ADAMTSL1: variants seen among roughly 807,000 people sequenced by gnomAD.
The protein encoded by ADAMTSL1 is ADAMTS like 1, also known as ADAMTS-like protein 1.
A neutral mutation model predicts 201.8 loss-of-function variants in ADAMTSL1; 126 were observed. That is an observed-to-expected ratio of 0.62 (90% CI 0.54 to 0.72). ADAMTSL1 has a LOEUF of 0.72. Among genes scored for constraint, ADAMTSL1 ranks in the 30% least tolerant of loss-of-function variants. ADAMTSL1 has a pLI of 0.00. For missense variants in ADAMTSL1, 2,679 were observed against 2,277.8 expected (o/e 1.18, Z -3.59); for synonymous variants, 1,121 against 903.4 (o/e 1.24, Z -4.32).
intron 2 of ADAMTSL1, among the ~76,000 whole-genome samples, chr9:18,266,888 C>A (rs1248425005): frequency 6.6e-6 from 1 of 152,096 alleles, no homozygotes. Flanking sequence ...ATTCCAGGTC[C>A]AGGCTTCTTG....
At chr9:18,234,883 T>C (rs1221746305) in intron 2 of ADAMTSL1, among the ~76,000 whole-genome samples, 1 of 152,204 alleles carries the variant, frequency 6.6e-6, no homozygotes, top group Non-Finnish European at 1.5e-5. Context: ...GAGCCAATTT[T>C]AAAATAAACA....
chr9:17,925,791 C>T (rs1484324893), intron 1 of ADAMTSL1, among the ~76,000 whole-genome samples: 5 of 149,218 alleles, frequency 3.4e-5, no homozygotes, highest in Admixed American at 2.0e-4. Flanking sequence ...ACCAGCATGG[C>T]GCATGTATAC....
chr9:18,771,928 A>G (rs1021194461), intron 17 of ADAMTSL1, among the ~76,000 whole-genome samples: 21 of 152,194 alleles, frequency 1.4e-4, no homozygotes, highest in African/African-American at 4.8e-4. Flanking sequence ...CATTGCAATT[A>G]AGAGTTAACT....
Position 18,897,431 on chromosome 9 carries a change from A to AG in ADAMTSL1, c.4851+4839dup, listed in dbSNP as rs146196730. On this transcript the variant is annotated intron_variant, in intron 26 of 28. Coordinates refer to ENST00000380548, the MANE Select transcript of ADAMTSL1 (RefSeq NM_001040272.6). ...TCCTGACTGGGTGAGACCTCCCAACAGGGGTCTCCAGACACCTCCTACAGG... is the reference window on the plus strand; with the variant it reads ...TCCTGACTGGGTGAGACCTCCCAACAGGGGGTCTCCAGACACCTCCTACAGG... Among the ~76,000 whole-genome samples the AG allele has an allele frequency of 7.2e-3, 1,091 of 152,268 alleles. 15 individuals carry two copies. Among genetic ancestry groups the AG allele is most frequent in the African/African-American group, 0.025 (1,043 of 41,552 alleles).
intron 2 of ADAMTSL1, among the ~76,000 whole-genome samples, chr9:18,219,616 A>G (rs1563815809): frequency 6.6e-6 from 1 of 151,962 alleles, no homozygotes. Flanking sequence ...TGGTCTGCCC[A>G]CCTTGGCCTG....
intron 3 of ADAMTSL1, among the ~76,000 whole-genome samples, chr9:18,558,937 A>G (rs202068063): frequency 1.3e-4 from 20 of 151,868 alleles, no homozygotes; most frequent in Non-Finnish European, 2.8e-4. Flanking sequence ...ATTGCAAAAA[A>G]TTTCTCCCAT....
At chr9:18,095,416 CTTTTTTTTTTT>C (rs35164794) in intron 1 of ADAMTSL1, among the ~76,000 whole-genome samples, 19 of 100,118 alleles carry the variant, frequency 1.9e-4, no homozygotes, top group East Asian at 9.1e-4. Context: ...TTCTTTCTTT[CTTTTTTTTTTT>C]TTTTTTTTTT....
chr9:18,329,971 T>C (rs1269397021), intron 2 of ADAMTSL1, among the ~76,000 whole-genome samples: 2 of 152,198 alleles, frequency 1.3e-5, no homozygotes, highest in East Asian at 1.9e-4. Context: ...ATATGTCATA[T>C]GTAATTCTTA....
intron 2 of ADAMTSL1, among the ~76,000 whole-genome samples, chr9:18,453,528 T>C (rs1820493043): frequency 6.6e-6 from 1 of 152,234 alleles, no homozygotes; most frequent in Non-Finnish European, 1.5e-5. Context: ...TTTCAAAATC[T>C]TTTTAGTTTT....
chr9:18,114,318 A>C (rs976955443), intron 1 of ADAMTSL1, among the ~76,000 whole-genome samples: 5 of 152,212 alleles, frequency 3.3e-5, no homozygotes, highest in African/African-American at 9.6e-5. Flanking sequence ...CAAACCAAAC[A>C]GCTTAATCAA....
intron 5 of ADAMTSL1, among the ~76,000 whole-genome samples, chr9:18,628,286 C>G (rs931379325): frequency 6.6e-6 from 1 of 152,108 alleles, no homozygotes; most frequent in Non-Finnish European, 1.5e-5. Flanking sequence ...TGATAGGTAG[C>G]TTGAATTTTT....
chr9:18,373,514 C>G (rs1319457709), intron 2 of ADAMTSL1, among the ~76,000 whole-genome samples: 1 of 152,004 alleles, frequency 6.6e-6, no homozygotes, highest in African/African-American at 2.4e-5. Flanking sequence ...TGGCTCTGCC[C>G]TCGGAAGTTA....
At chr9:18,325,463 T>C (rs1834793510) in intron 2 of ADAMTSL1, among the ~76,000 whole-genome samples, 1 of 152,214 alleles carries the variant, frequency 6.6e-6, no homozygotes. Context: ...TCAAACGTTA[T>C]GTTGAGTGAA....
intron 1 of ADAMTSL1, among the ~76,000 whole-genome samples, chr9:18,052,010 G>T (rs561507467): frequency 2.9e-4 from 44 of 152,296 alleles, no homozygotes; most frequent in Admixed American, 2.5e-3. Context: ...TTGACACTTT[G>T]TTACAAACAT....
rs147493698 is a variant in ADAMTSL1, at chr9:18,557,603, A to C, written c.238-16427A>C. 3.7e-3 allele frequency among the ~76,000 whole-genome samples: 556 copies of C among 152,168 alleles called. 1 individual carries two copies. Among genetic ancestry groups the C allele is most frequent in the African/African-American group, 0.013 (536 of 41,542 alleles). On this transcript the variant is annotated intron_variant, in intron 3 of 28. Coordinates refer to ENST00000380548, the MANE Select transcript of ADAMTSL1 (RefSeq NM_001040272.6). ...ATGTTGTCAGGATTCACTGACAACCAAAAAGAAGTTAAGCCTGCAGACAAT... is the reference window on the plus strand; with the variant it reads ...ATGTTGTCAGGATTCACTGACAACCCAAAAGAAGTTAAGCCTGCAGACAAT...
intron 6 of ADAMTSL1, among the ~76,000 whole-genome samples, chr9:18,636,717 A>G (rs1478700549): frequency 1.3e-5 from 2 of 152,168 alleles, no homozygotes; most frequent in Non-Finnish European, 2.9e-5. Flanking sequence ...TTAGATACAG[A>G]CCTGTAAATT....
chr9:17,907,772 C>A (rs143672507), intron 1 of ADAMTSL1, among the ~76,000 whole-genome samples: 1 of 152,148 alleles, frequency 6.6e-6, no homozygotes, highest in African/African-American at 2.4e-5. Flanking sequence ...AGAATGCCTG[C>A]GGTTCCTTGG....
At chr9:18,642,720 A>T (rs1439722765) in intron 7 of ADAMTSL1, among the ~76,000 whole-genome samples, 1 of 151,906 alleles carries the variant, frequency 6.6e-6, no homozygotes, top group Non-Finnish European at 1.5e-5. Context: ...CATTTAACAT[A>T]ATGTTCTCCA....
At chr9:18,767,762 A>C (rs557557542) in intron 16 of ADAMTSL1, among the ~76,000 whole-genome samples, 1 of 152,338 alleles carries the variant, frequency 6.6e-6, no homozygotes, top group African/African-American at 2.4e-5. Context: ...ATTGCTACCA[A>C]ATGAGGGCTA....
Sources: gnomAD v4.1 joint callset for allele counts (sites outside exome capture counted in the v4.1 genomes callset) on GRCh38, gnomAD v4.1.1 for gene constraint, MANE v1.5 for transcripts, NCBI Gene and HGNC (gene_info 2026-07-23, HGNC 2026-07-21) for gene names.